Variants in PAK3 observed in about 807,000 individuals in gnomAD.
PAK3 encodes the protein p21 (RAC1) activated kinase 3.
Under a neutral mutation model 41.0 loss-of-function variants are expected in PAK3, and 4 were observed. The observed-to-expected ratio is 0.10, with a 90% confidence interval of 0.05 to 0.22. The LOEUF (loss-of-function observed/expected upper bound fraction) is 0.22, where lower values mean the gene tolerates loss of function less well. PAK3 is among the 10% of genes least tolerant of loss of function. PAK3 has a pLI of 1.00. For synonymous variants in PAK3, 146 were observed against 139.6 expected, an observed-to-expected ratio of 1.05 and a Z score of -0.32; for missense variants, 205 against 409.9, an observed-to-expected ratio of 0.50 and a Z score of 4.32.
At chrX:111,121,334 C>G (rs939878256) in intron 4 of PAK3, among the ~76,000 whole-genome samples, 3 of 111,811 alleles carry the variant, frequency 2.7e-5, no homozygotes, top group African/African-American at 9.7e-5. Context: ...CCGTTCAAAT[C>G]AAAATCAAAC....
At chrX:111,217,086 T>C (rs2094887706) in intron 17 of PAK3, 7 of 696,955 alleles carry the variant, frequency 1.0e-5, no homozygotes, top group Admixed American at 8.8e-5. Context: ...TTAGTATACA[T>C]GATGAGAAAT....
intron 1 of PAK3, among the ~76,000 whole-genome samples, chrX:110,957,995 G>A (rs970982358): frequency 1.8e-5 from 2 of 111,861 alleles, no homozygotes; most frequent in Non-Finnish European, 3.8e-5. Context: ...AAAAGTATAG[G>A]GTAGGAGAGA....
intron 11 of PAK3, among the ~76,000 whole-genome samples, chrX:111,178,980 T>TATATATATATATAGAGAGAGAGAG (rs1211051270): frequency 1.1e-5 from 1 of 91,611 alleles, no homozygotes; most frequent in African/African-American, 4.0e-5. Context: ...TATATATATA[T>TATATATATATATAGAGAGAGAGAG]AGAGAGAGAG....
chrX:110,967,238 G>C lies in PAK3; in HGVS notation c.-28+22610G>C, dbSNP rs751384089. Among the ~76,000 whole-genome samples, 3 of 113,149 alleles carry C rather than the reference G, an allele frequency of 2.7e-5. No individual in the cohort carries two copies. The South Asian group carries it at 1.1e-3, about 42-fold the overall frequency. ...CCAGAACAGGGCCAAGGGGACAAAAGCAAACAGATCAGGGACTACGAGTGC... is the reference window on the plus strand; with the variant it reads ...CCAGAACAGGGCCAAGGGGACAAAACCAAACAGATCAGGGACTACGAGTGC... On this transcript the variant is annotated intron_variant, in intron 1 of 14. Coordinates refer to the PAK3 transcript ENST00000425146.
intron 1 of PAK3, among the ~76,000 whole-genome samples, chrX:111,051,903 A>G (rs2092562340): frequency 8.9e-6 from 1 of 112,520 alleles, no homozygotes; most frequent in Admixed American, 9.4e-5. Flanking sequence ...GGAGCTCTCC[A>G]GTTCAAGGGA....
chrX:111,191,632 A>G (rs1455932269), intron 11 of PAK3, among the ~76,000 whole-genome samples: 1 of 112,205 alleles, frequency 8.9e-6, no homozygotes, highest in Non-Finnish European at 1.9e-5. Context: ...CTAAAAGGGA[A>G]GGTTAATTTA....
Position 111,220,945 on chromosome X carries a change from C to CAAAAAAAAAAAAAAAAAAAAAAAA in PAK3, c.*515_*516insAAAAAAAAAAAAAAAAAAAAAAAA. On this transcript the variant is annotated 3_prime_UTR_variant, in exon 18 of 18. Transcript: ENST00000372007. Reference sequence around the variant, plus strand: ...AAAAAAGAAAGCAAAAAAAGCAAGGCAAAAAAAAAAAAAAAAACAAACAAA... The same window carrying CAAAAAAAAAAAAAAAAAAAAAAAA: ...AAAAAAGAAAGCAAAAAAAGCAAGGCAAAAAAAAAAAAAAAAAAAAAAAAAAAAAAAAAAAAAAAAACAAACAAA... 11 of 49,437 alleles carry CAAAAAAAAAAAAAAAAAAAAAAAA rather than the reference C, an allele frequency of 2.2e-4. No individual in the cohort carries two copies. The highest frequency in any genetic ancestry group is 9.4e-4 in the African/African-American group (11 of 11,715). The allele number at this position is 49,437 out of a possible 1,213,427, so 4.1% of individuals were successfully genotyped here.
chrX:111,062,118 G>A (rs1037980280), intron 1 of PAK3, among the ~76,000 whole-genome samples: 10 of 111,571 alleles, frequency 9.0e-5, no homozygotes, highest in African/African-American at 3.3e-4. Context: ...ACCACACTGA[G>A]CTCCCAGTCA....
At chrX:111,197,638 C>T (rs1052544037) in intron 16 of PAK3, among the ~76,000 whole-genome samples, 3 of 111,857 alleles carry the variant, frequency 2.7e-5, no homozygotes, top group South Asian at 3.7e-4. Context: ...ACATTCCCTC[C>T]AGCAGTCTAT....
chrX:110,958,318 A>C (rs2090908010), intron 1 of PAK3, among the ~76,000 whole-genome samples: 1 of 111,719 alleles, frequency 9.0e-6, no homozygotes, highest in South Asian at 3.8e-4. Context: ...TCAGTGAAGT[A>C]AGGGTAGAAT....
intron 5 of PAK3, among the ~76,000 whole-genome samples, chrX:111,130,506 C>T (rs1401928237): frequency 1.8e-5 from 2 of 111,934 alleles, no homozygotes; most frequent in African/African-American, 6.5e-5. Context: ...CTATAGGTTA[C>T]TAAGAGTGAC....
intron 1 of PAK3, among the ~76,000 whole-genome samples, chrX:110,961,079 T>A (rs778000211): frequency 2.7e-4 from 30 of 111,552 alleles, no homozygotes; most frequent in Non-Finnish European, 4.9e-4. Context: ...GTGGATCTTG[T>A]TCCTGGCTGC....
At chrX:111,186,872 A>T (rs1230565050) in intron 11 of PAK3, among the ~76,000 whole-genome samples, 1 of 111,714 alleles carries the variant, frequency 9.0e-6, no homozygotes, top group Admixed American at 9.5e-5. Flanking sequence ...ATGCATGGAG[A>T]TATTTTGATA....
rs1052291383 is a variant in PAK3, at chrX:111,220,696, G to T, written c.*249G>T. 1 of 381,870 alleles carries T rather than the reference G, an allele frequency of 2.6e-6. No homozygotes were observed. Among genetic ancestry groups the T allele is most frequent in the Non-Finnish European group, 4.6e-6 (1 of 219,236 alleles). 31.5% of individuals were successfully genotyped at this position (381,870 alleles called of 1,213,427 possible). ...AAAGTGGTCACTTCCACCGTGAAGC[G>T]AAAGAGCCAGTAGTGAATCCCCTCA... On this transcript the variant is annotated 3_prime_UTR_variant, in exon 18 of 18. Transcript: ENST00000372007.
chrX:111,035,105 C>CAAAAAAAAAAAAAAAA (rs533876214), intron 1 of PAK3, among the ~76,000 whole-genome samples: 2 of 39,558 alleles, frequency 5.1e-5, no homozygotes, highest in African/African-American at 2.8e-4. Context: ...GACCCTGTCT[C>CAAAAAAAAAAAAAAAA]AAAAAAAAAA....
At chrX:111,063,406 A>C (rs780122789) in intron 1 of PAK3, among the ~76,000 whole-genome samples, 3 of 111,312 alleles carry the variant, frequency 2.7e-5, no homozygotes, top group Non-Finnish European at 5.6e-5. Context: ...GATTGTGAGA[A>C]TGCTCAGAGA....
chrX:111,089,929 T>C (rs1365875535), intron 1 of PAK3, among the ~76,000 whole-genome samples: 1 of 111,088 alleles, frequency 9.0e-6, no homozygotes, highest in Non-Finnish European at 1.9e-5. Flanking sequence ...TTGACTCACC[T>C]ATGTAGCGTC....
At chrX:110,982,732 C>A in intron 1 of PAK3, among the ~76,000 whole-genome samples, 1 of 111,128 alleles carries the variant, frequency 9.0e-6, no homozygotes, top group South Asian at 3.9e-4. Context: ...TCTGTCAATA[C>A]GGGCAGATGA....
At chrX:111,200,062 A>T (rs1277448556) in intron 16 of PAK3, among the ~76,000 whole-genome samples, 2 of 111,234 alleles carry the variant, frequency 1.8e-5, no homozygotes, top group Non-Finnish European at 3.8e-5. Flanking sequence ...CAGTGCTAGT[A>T]TCATAGGCAT....
Sources: allele counts gnomAD v4.1 joint callset (sites outside exome capture counted in the v4.1 genomes callset), GRCh38; gene constraint gnomAD v4.1.1; transcripts MANE v1.5; gene names NCBI Gene and HGNC (gene_info 2026-07-23, HGNC 2026-07-21).